Variants in CFI observed in about 807,000 individuals in gnomAD.
CFI encodes complement factor I, also known as C3B/C4B inactivator.
A neutral mutation model predicts 78.8 loss-of-function variants in CFI; 66 were observed. The ratio of observed to expected loss-of-function variants is 0.84; its 90% CI spans 0.69 to 1.03. The LOEUF (loss-of-function observed/expected upper bound fraction) is 1.03. Among genes scored for constraint, CFI ranks in the 50% least tolerant of loss-of-function variants. The pLI is 0.00. For missense variants in CFI, 706 were observed against 704.5 expected, an observed-to-expected ratio of 1.00 and a Z score of -0.02; for synonymous variants, 250 against 232.6, an observed-to-expected ratio of 1.07 and a Z score of -0.68.
intron 1 of CFI, among the ~76,000 whole-genome samples, chr4:109,767,656 C>A (rs7695246): frequency 0.97 from 143,301 of 147,662 alleles, 69,675 homozygotes; most frequent in East Asian, 1. Context: ...GGATGTGGAG[C>A]AATAGGAACA....
Position 109,760,269 on chromosome 4 carries a change from CCTG to C in CFI, c.881_883del (p.Ala294del), listed in dbSNP as rs1579215456. ...AAAGTCACCCCAAGTCTTTCAATTA[CCTG>C]CACAGCCAACTTCATCTTCCCCTGT... On this transcript the variant is annotated inframe_deletion and splice_region_variant, in exon 6 of 13. Transcript: ENST00000394634. 6.2e-7 allele frequency: 1 copy of C among 1,609,148 alleles called. No homozygotes were observed.
At chr4:109,731,103 A>T in the CFI span, among the ~76,000 whole-genome samples, 138 of 152,352 alleles carry the variant, frequency 9.1e-4, no homozygotes, top group Admixed American at 1.8e-3. Flanking sequence ...CTGTAATCCC[A>T]GCACCTTGGG....
At chr4:109,784,147 G>A (rs1579293178) in intron 1 of CFI, among the ~76,000 whole-genome samples, 1 of 151,786 alleles carries the variant, frequency 6.6e-6, no homozygotes, top group East Asian at 1.9e-4. Flanking sequence ...ACTTGCTCAT[G>A]TAACCAAATA....
chr4:109,754,532 T>C (rs1265936937), intron 7 of CFI, among the ~76,000 whole-genome samples: 1 of 151,836 alleles, frequency 6.6e-6, no homozygotes, highest in Non-Finnish European at 1.5e-5. Context: ...TTCTTTGACC[T>C]GGGGATCTGA....
At chr4:109,756,394 GAAGGAGAAAAGAAGAA>G (rs1214432733) in intron 7 of CFI, among the ~76,000 whole-genome samples, 1 of 151,134 alleles carries the variant, frequency 6.6e-6, no homozygotes, top group Non-Finnish European at 1.5e-5. Flanking sequence ...GATGGAAGAA[GAAGGAGAAAAGAAGAA>G]GAGAAAAGAG....
At chr4:109,766,443 A>AT in intron 2 of CFI, 111 bp downstream of exon 2, 1 of 1,319,144 alleles carries the variant, frequency 7.6e-7, no homozygotes, top group Non-Finnish European at 1.1e-6. Flanking sequence ...CTAGAAAAAA[A>AT]TTTTGAGTTG....
At chr4:109,773,430 C>T (rs187198940) in intron 1 of CFI, among the ~76,000 whole-genome samples, 4 of 152,180 alleles carry the variant, frequency 2.6e-5, no homozygotes, top group South Asian at 2.1e-4. Context: ...GCAGGAGAAT[C>T]GCTTGAACCT....
At chr4:109,793,243 A>T (rs1731604009) in intron 1 of CFI, among the ~76,000 whole-genome samples, 1 of 152,234 alleles carries the variant, frequency 6.6e-6, no homozygotes, top group South Asian at 2.1e-4. Flanking sequence ...CTCTGTTCCT[A>T]TACTGCTCCA....
At chr4:109,749,084 C>A (rs1305160919) in intron 10 of CFI, 134 bp downstream of exon 10, 2 of 874,712 alleles carry the variant, frequency 2.3e-6, no homozygotes, top group Non-Finnish European at 3.9e-6. Flanking sequence ...TCGCGAATAC[C>A]AGAGGATACT....
chr4:109,771,429 G>A (rs1279847892), intron 1 of CFI, among the ~76,000 whole-genome samples: 1 of 150,336 alleles, frequency 6.7e-6, no homozygotes, highest in Non-Finnish European at 1.5e-5. Context: ...GGCAGGCTGT[G>A]CACAGTGGCT....
chr4:109,755,181 A>G (rs1725973109), intron 7 of CFI, among the ~76,000 whole-genome samples: 1 of 152,228 alleles, frequency 6.6e-6, no homozygotes, highest in Non-Finnish European at 1.5e-5. Context: ...TAGTATGCAC[A>G]TGAAGAGAAA....
chr4:109,753,044 TTTA>T (rs1725390259), intron 7 of CFI, among the ~76,000 whole-genome samples: 3 of 41,794 alleles, frequency 7.2e-5, no homozygotes, highest in Admixed American at 4.0e-4. Flanking sequence ...ATAATATATA[TTTA>T]TTATATATTT....
In CFI at chr4:109,761,666, T is replaced by G. The variant is rs1727082566; in HGVS notation, c.509A>C (p.Lys170Thr). 6.2e-7 allele frequency: 1 copy of G among 1,613,340 alleles called. No individual in the cohort carries two copies. Among genetic ancestry groups the G allele is most frequent in the African/African-American group, 1.3e-5 (1 of 74,918 alleles). Residue 170 changes from lysine to threonine, a missense_variant, in exon 4 of 13, where the codon AAG becomes ACG. Coordinates refer to ENST00000394634, the MANE Select transcript of CFI (RefSeq NM_000204.5). ...QQGADTQRRF[K>T]LSDLSINSTE... ...GGAATTTATAGAGAGATCAGACAAC[T>G]TAAACCTTCTTTGAGTATCAGCACC...
Position 109,740,715 on chromosome 4 carries a change from A to G in CFI, c.*178T>C, listed in dbSNP as rs1237955359. On this transcript the variant is annotated 3_prime_UTR_variant, in exon 13 of 13. Coordinates refer to ENST00000394634, the MANE Select transcript of CFI (RefSeq NM_000204.5). ...ACTTGTATGCTTCACCAAAATATTT[A>G]TTTGAGAATTATACAACAAAATTCC... The G allele has an allele frequency of 2.9e-6, 2 of 691,212 alleles. No homozygotes were observed. Among genetic ancestry groups the G allele is most frequent in the East Asian group, 2.8e-5 (1 of 36,262 alleles). 42.8% of individuals were successfully genotyped at this position (691,212 alleles called of 1,614,324 possible).
intron 6 of CFI, 58 bp from the exon 7 acceptor site, chr4:109,757,841 C>T: frequency 1.5e-6 from 2 of 1,357,420 alleles, no homozygotes; most frequent in Non-Finnish European, 2.1e-6. Context: ...AAAATGCACA[C>T]TATAGCAATA....
At chr4:109,756,560 TC>T (rs1430839746) in intron 7 of CFI, among the ~76,000 whole-genome samples, 4 of 151,890 alleles carry the variant, frequency 2.6e-5, no homozygotes, top group Non-Finnish European at 4.4e-5. Context: ...AGCTAGCCAG[TC>T]CCTCAGGAAT....
At chr4:109,801,432 C>A (rs951633915) in intron 1 of CFI, among the ~76,000 whole-genome samples, 3 of 152,208 alleles carry the variant, frequency 2.0e-5, no homozygotes, top group African/African-American at 7.2e-5. Context: ...AAGTCCTTTA[C>A]CACATATTTG....
chr4:109,781,645 C>T (rs1037331480), intron 1 of CFI, among the ~76,000 whole-genome samples: 18 of 152,090 alleles, frequency 1.2e-4, no homozygotes, highest in African/African-American at 4.1e-4. Flanking sequence ...AGGAACCCTC[C>T]CCAATTCATT....
chr4:109,770,934 G>A lies in CFI; in HGVS notation c.58-4110C>T, dbSNP rs1451910525. ...AAACAGGGAACTGGTTGAAAGAGAT[G>A]GTTGTATGAACATGTTACTGAGGAA... On this transcript the variant is annotated intron_variant, in intron 1 of 12. Coordinates refer to ENST00000394634, the MANE Select transcript of CFI (RefSeq NM_000204.5). 2.0e-5 allele frequency among the ~76,000 whole-genome samples: 3 copies of A among 152,184 alleles called. No homozygotes were observed. The East Asian group carries it at 5.8e-4, about 29-fold the overall frequency.
Sources: allele counts gnomAD v4.1 joint callset (sites outside exome capture counted in the v4.1 genomes callset), GRCh38; gene constraint gnomAD v4.1.1; transcripts MANE v1.5; gene names NCBI Gene and HGNC (gene_info 2026-07-23, HGNC 2026-07-21).